Variants in MIAT observed in about 807,000 individuals in gnomAD.
MIAT encodes the protein myocardial infarction associated transcript, also known as MI related novel mRNA.
chr22:26,675,694 T>A (rs1931236694), exon 5 of MIAT: 1 of 398,486 alleles, frequency 2.5e-6, no homozygotes, highest in South Asian at 1.3e-4. Context: ...TGGTGGGAAG[T>A]CCCTGGAGAA....
chr22:26,668,579 C>T (rs990066268), exon 6 of MIAT: 3 of 398,906 alleles, frequency 7.5e-6, no homozygotes, highest in Non-Finnish European at 1.3e-5. Context: ...ACTGACCACA[C>T]TTTCCCCAAG....
chr22:26,669,762 TAC>T (rs1253593196), downstream of MIAT: 1 of 398,154 alleles, frequency 2.5e-6, no homozygotes, highest in African/African-American at 2.1e-5. Context: ...GAGTGGCAGG[TAC>T]CATGCTGGGG....
At chr22:26,675,049 A>C in exon 5 of MIAT, 1 of 398,826 alleles carries the variant, frequency 2.5e-6, no homozygotes, top group Non-Finnish European at 4.4e-6. Flanking sequence ...TGTGCCAGGC[A>C]TTGGGGATGT....
At chr22:26,655,634 C>T (rs1479109870) in intron 2 of MIAT, among the ~76,000 whole-genome samples, 2 of 152,142 alleles carry the variant, frequency 1.3e-5, no homozygotes. Context: ...CCTAAGGTCA[C>T]ATTTGGTCAG....
At chr22:26,666,378 G>T in exon 4 of MIAT, 3 of 398,734 alleles carry the variant, frequency 7.5e-6, no homozygotes, top group Non-Finnish European at 8.8e-6. Flanking sequence ...AGGGGAGAAG[G>T]AGGGGGAGCA....
At chr22:26,669,684 C>T (rs988701216), downstream of MIAT, 5 of 399,000 alleles carry the variant, frequency 1.3e-5, no homozygotes, top group African/African-American at 2.1e-5. Flanking sequence ...GCCTTCTCCC[C>T]TTCAGAATTC....
At chr22:26,649,407 A>G (rs1275863939) in intron 2 of MIAT, among the ~76,000 whole-genome samples, 1 of 152,224 alleles carries the variant, frequency 6.6e-6, no homozygotes, top group Non-Finnish European at 1.5e-5. Context: ...ATTCCTCCCC[A>G]CTATTCCTGC....
At chr22:26,672,964 CGA>C, downstream of MIAT, 1 of 398,608 alleles carries the variant, frequency 2.5e-6, no homozygotes, top group Non-Finnish European at 4.4e-6. Flanking sequence ...TCTCTGGAGC[CGA>C]GAGAGGCCGG....
intron 5 of MIAT, chr22:26,667,326 T>C: frequency 2.9e-6 from 1 of 344,564 alleles, no homozygotes; most frequent in Non-Finnish European, 4.8e-6. Flanking sequence ...CTCCTCGTCC[T>C]GGGAGCAGTG....
chr22:26,670,830 G>A (rs1931019617), downstream of MIAT: 1 of 398,482 alleles, frequency 2.5e-6, no homozygotes, highest in African/African-American at 2.1e-5. Context: ...TATGGGAAAA[G>A]TACAGCAGTG....
chr22:26,657,337 C>T (rs1930496047), intron 2 of MIAT: 1 of 396,144 alleles, frequency 2.5e-6, no homozygotes, highest in African/African-American at 2.1e-5. Context: ...GCTTTCCTGG[C>T]CAGGACTCTG....
intron 2 of MIAT, among the ~76,000 whole-genome samples, chr22:26,652,316 AT>A (rs1463159150): frequency 1.3e-5 from 2 of 151,920 alleles, no homozygotes; most frequent in Admixed American, 6.6e-5. Context: ...CCGACCTTAG[AT>A]TATGTGAATT....
intron 3 of MIAT, among the ~76,000 whole-genome samples, chr22:26,665,222 C>T (rs1021920662): frequency 7.4e-5 from 10 of 135,444 alleles, no homozygotes; most frequent in Admixed American, 6.0e-4. Flanking sequence ...GCCTGGGTGA[C>T]AGAGTGAGAT....
chr22:26,649,898 C>A (rs931422624), intron 2 of MIAT, among the ~76,000 whole-genome samples: 1 of 151,462 alleles, frequency 6.6e-6, no homozygotes, highest in Admixed American at 6.6e-5. Flanking sequence ...GGCAACAGAG[C>A]GAGACTCCGT....
At chr22:26,665,801 G>A (rs1007085304) in exon 4 of MIAT, 1 of 398,572 alleles carries the variant, frequency 2.5e-6, no homozygotes, top group Admixed American at 4.4e-5. Context: ...TCCCAGAAAG[G>A]GTGATTTTCA....
chr22:26,676,334 G>T, exon 5 of MIAT: 1 of 398,626 alleles, frequency 2.5e-6, no homozygotes, highest in East Asian at 3.6e-5. Context: ...GAATGTGTGG[G>T]TAGAAATTTC....
At chr22:26,663,943 G>A (rs959707168) in intron 3 of MIAT, among the ~76,000 whole-genome samples, 2 of 123,864 alleles carry the variant, frequency 1.6e-5, no homozygotes, top group African/African-American at 6.1e-5. Context: ...TGCTTTCTCA[G>A]AAGTAGATTG....
At chr22:26,667,193 T>A in exon 5 of MIAT, 1 of 398,660 alleles carries the variant, frequency 2.5e-6, no homozygotes, top group Non-Finnish European at 4.4e-6. Context: ...AGCACCGGCA[T>A]GGACCAAGCA....
intron 2 of MIAT, among the ~76,000 whole-genome samples, chr22:26,655,250 T>C (rs1371118837): frequency 6.6e-6 from 1 of 152,166 alleles, no homozygotes; most frequent in African/African-American, 2.4e-5. Context: ...GGAAATGTTT[T>C]ATAGGTTTGT....
Sources: gnomAD v4.1 joint callset for allele counts (sites outside exome capture counted in the v4.1 genomes callset) on GRCh38, gnomAD v4.1.1 for gene constraint, MANE v1.5 for transcripts, NCBI Gene and HGNC (gene_info 2026-07-23, HGNC 2026-07-21) for gene names.